The following CCDC60 variants were observed in gnomAD, a reference collection of about 807,000 sequenced individuals.
CCDC60 encodes the protein coiled-coil domain containing 60, also known as coiled-coil domain-containing protein 60.
Under a neutral mutation model 63.5 loss-of-function variants are expected in CCDC60, and 54 were observed. That is an observed-to-expected ratio of 0.85 (90% CI 0.68 to 1.07). The LOEUF is 1.07. Among genes scored for constraint, CCDC60 ranks in the 50% least tolerant of loss-of-function variants. The probability of loss-of-function intolerance (pLI) is 0.00; values close to 1 mark genes in which losing one functional copy is unlikely to be tolerated. For synonymous variants in CCDC60, 206 were observed against 238.8 expected (o/e 0.86, Z 1.27); for missense variants, 651 against 684.3 (o/e 0.95, Z 0.54).
intron 4 of CCDC60, among the ~76,000 whole-genome samples, chr12:119,482,058 T>C (rs1325029423): frequency 6.9e-6 from 1 of 144,926 alleles, no homozygotes; most frequent in Non-Finnish European, 1.5e-5. Flanking sequence ...TATGTGTGTA[T>C]ATATATGATG....
At chr12:119,398,655 C>T (rs1478578030) in intron 1 of CCDC60, among the ~76,000 whole-genome samples, 1 of 152,256 alleles carries the variant, frequency 6.6e-6, no homozygotes, top group Non-Finnish European at 1.5e-5. Context: ...TCAAATTGCT[C>T]ACTTTTCCTT....
chr12:119,529,672 A>G (rs1224964308), intron 12 of CCDC60, among the ~76,000 whole-genome samples: 1 of 152,196 alleles, frequency 6.6e-6, no homozygotes, highest in Non-Finnish European at 1.5e-5. Flanking sequence ...CTTTCTCACA[A>G]GCAATGTCTG....
At chr12:119,398,108 G>C (rs1440419866) in intron 1 of CCDC60, among the ~76,000 whole-genome samples, 1 of 105,600 alleles carries the variant, frequency 9.5e-6, no homozygotes, top group Non-Finnish European at 1.9e-5. Context: ...GGCGGTGTGG[G>C]GGGAGGAAGG....
At chr12:119,372,791 C>T (rs1173272551) in intron 1 of CCDC60, among the ~76,000 whole-genome samples, 1 of 152,160 alleles carries the variant, frequency 6.6e-6, no homozygotes. Flanking sequence ...TTGCTACACA[C>T]GCCATGGTGA....
chr12:119,404,439 C>G (rs1956449189), intron 1 of CCDC60, among the ~76,000 whole-genome samples: 1 of 152,198 alleles, frequency 6.6e-6, no homozygotes, highest in Non-Finnish European at 1.5e-5. Context: ...CTACCTCCCC[C>G]CCACCACCCT....
At chr12:119,523,484 G>A (rs185913758) in intron 10 of CCDC60, among the ~76,000 whole-genome samples, 18 of 152,308 alleles carry the variant, frequency 1.2e-4, no homozygotes, top group South Asian at 6.2e-4. Context: ...GGGTCTGAAC[G>A]ACCATCCTGA....
intron 1 of CCDC60, among the ~76,000 whole-genome samples, chr12:119,342,686 C>T (rs184156116): frequency 8.5e-5 from 13 of 152,302 alleles, no homozygotes; most frequent in Non-Finnish European, 1.5e-5. Flanking sequence ...ACTCAACTAA[C>T]ATGTATTGAG....
chr12:119,360,302 C>G (rs866012975), intron 1 of CCDC60, among the ~76,000 whole-genome samples: 5 of 148,926 alleles, frequency 3.4e-5, no homozygotes, highest in East Asian at 2.1e-4. Context: ...CTGACCCCCC[C>G]ACCTCCCTCC....
chr12:119,504,340 CACAG>C (rs974067174), intron 6 of CCDC60, among the ~76,000 whole-genome samples: 3 of 152,154 alleles, frequency 2.0e-5, no homozygotes, highest in African/African-American at 4.8e-5. Flanking sequence ...CAGACACACA[CACAG>C]ACAGTCTGTG....
chr12:119,359,298 A>G (rs1431990635), intron 1 of CCDC60, among the ~76,000 whole-genome samples: 1 of 152,330 alleles, frequency 6.6e-6, no homozygotes, highest in Admixed American at 6.5e-5. Flanking sequence ...TGTTATACAC[A>G]TCTCAGATCT....
At chr12:119,372,559 TC>T (rs1192123253) in intron 1 of CCDC60, among the ~76,000 whole-genome samples, 2 of 151,834 alleles carry the variant, frequency 1.3e-5, no homozygotes, top group Admixed American at 6.6e-5. Context: ...CACATAAAAA[TC>T]CCCCACATTA....
chr12:119,433,422 A>G (rs1950269250), intron 2 of CCDC60: 1 of 702,260 alleles, frequency 1.4e-6, no homozygotes, highest in South Asian at 1.5e-5. Context: ...GAATGGGGAA[A>G]AGGCCAAACA....
chr12:119,459,846 T>C (rs898080361), intron 2 of CCDC60, among the ~76,000 whole-genome samples: 6 of 152,248 alleles, frequency 3.9e-5, no homozygotes, highest in African/African-American at 1.2e-4. Context: ...TAAGAAATCC[T>C]AGACTCTGAA....
intron 1 of CCDC60, among the ~76,000 whole-genome samples, chr12:119,355,779 G>C (rs992537611): frequency 6.6e-6 from 1 of 152,204 alleles, no homozygotes. Flanking sequence ...GCAAATTAAG[G>C]GGCAGAATAT....
intron 1 of CCDC60, among the ~76,000 whole-genome samples, chr12:119,369,515 C>G (rs1955877098): frequency 6.6e-6 from 1 of 152,216 alleles, no homozygotes; most frequent in South Asian, 2.1e-4. Flanking sequence ...CTAATGTAAG[C>G]TCCCTGGAAA....
At chr12:119,537,337 C>T (rs1203042751) in intron 13 of CCDC60, among the ~76,000 whole-genome samples, 2 of 152,202 alleles carry the variant, frequency 1.3e-5, no homozygotes, top group African/African-American at 4.8e-5. Flanking sequence ...TTTTTAGCTT[C>T]CTTGCAATGG....
chr12:119,406,198 T>G (rs11064781), intron 1 of CCDC60, among the ~76,000 whole-genome samples: 12 of 138,792 alleles, frequency 8.6e-5, no homozygotes, highest in East Asian at 2.6e-4. Context: ...TATAGATATA[T>G]ATATATAGAG....
chr12:119,511,237 A>C lies in CCDC60; in HGVS notation c.884-5386A>C, dbSNP rs538736891. On this transcript the variant is annotated intron_variant, in intron 7 of 13. Transcript: ENST00000327554. ...TTCCCAGCCTCTCTTGCCTTCTAAA[A>C]CCTCCTCAAATTGATTCTGAATTCA... is the stretch of plus-strand genomic sequence containing the variant. Among the ~76,000 whole-genome samples the C allele has an allele frequency of 2.1e-4, 32 of 152,130 alleles. 2 individuals are homozygous for C. The highest frequency in any genetic ancestry group is 1.7e-3 in the Admixed American group (26 of 15,280).
intron 13 of CCDC60, among the ~76,000 whole-genome samples, chr12:119,540,201 TTTGTGTGTC>T (rs751473403): frequency 3.9e-5 from 6 of 152,218 alleles, no homozygotes; most frequent in Non-Finnish European, 8.8e-5. Flanking sequence ...AACTCTTCCT[TTTGTGTGTC>T]TTAAACCCTT....
Sources: allele counts gnomAD v4.1 joint callset (sites outside exome capture counted in the v4.1 genomes callset), GRCh38; gene constraint gnomAD v4.1.1; transcripts MANE v1.5; gene names NCBI Gene and HGNC (gene_info 2026-07-23, HGNC 2026-07-21).